The following TBCB variants were observed in gnomAD, a reference collection of about 807,000 sequenced individuals.
The protein encoded by TBCB is tubulin-folding cofactor B.
Under a neutral mutation model 29.2 loss-of-function variants are expected in TBCB, and 18 were observed. The observed-to-expected ratio is 0.62, with a 90% CI of 0.43 to 0.91. The LOEUF (loss-of-function observed/expected upper bound fraction) is 0.91, where lower values mean the gene tolerates loss of function less well. TBCB is among the 40% of genes least tolerant of loss of function. The pLI is 0.00. For missense variants in TBCB, 336 were observed against 337.6 expected, an observed-to-expected ratio of 1.00 and a Z score of 0.04; for synonymous variants, 172 against 137.8, an observed-to-expected ratio of 1.25 and a Z score of -1.74.
chr19:36,121,925 G>A, intron 4 of TBCB: 1 of 687,220 alleles, frequency 1.5e-6, no homozygotes, highest in East Asian at 2.8e-5. Context: ...GGGAGGCGCA[G>A]GCGGAGTGAT....
intron 4 of TBCB, among the ~76,000 whole-genome samples, chr19:36,123,700 C>A (rs1265029581): frequency 2.0e-5 from 3 of 152,114 alleles, no homozygotes; most frequent in Non-Finnish European, 4.4e-5. Flanking sequence ...CATGGTGAAA[C>A]CCCATCTCTA....
chr19:36,124,613 C>T (rs1008579224), intron 4 of TBCB, among the ~76,000 whole-genome samples: 3 of 149,588 alleles, frequency 2.0e-5, no homozygotes, highest in Admixed American at 6.7e-5. Flanking sequence ...GATCTCAGCT[C>T]GCTCGTTCCA....
chr19:36,115,025 G>T (rs1973919706), upstream of TBCB: 1 of 651,506 alleles, frequency 1.5e-6, no homozygotes, highest in African/African-American at 1.8e-5. Context: ...GAGGTTTCAT[G>T]GCTTGCTTCA....
rs1296653314 is a variant in TBCB at position 36,115,817 on chromosome 19, G to T, written c.114+143G>T. ...TGCGGAGGCTGGGGACCCGGTCGCG[G>T]CGGGGCGGGTCCGGAGAGAACTCGA... On this transcript the variant is annotated intron_variant, in intron 1 of 5. Transcript: ENST00000221855. 6.4e-6 allele frequency: 7 copies of T among 1,092,720 alleles called. No individual in the cohort carries two copies. In the East Asian group the frequency reaches 1.6e-4, roughly 24 times the overall value. The allele number at this position is 1,092,720 out of a possible 1,614,324, so 67.7% of individuals were successfully genotyped here. A position where few individuals can be genotyped will look rare whatever the true frequency, so the allele number is the denominator to read the frequency against.
chr19:36,120,758 C>A lies in TBCB; in HGVS notation c.307C>A (p.Arg103=). Residue 103 remains arginine, a synonymous_variant, in exon 3 of 6, where the codon CGG becomes AGG. Transcript: ENST00000221855. ...CCTTGGTGAGTATGAGGACGTGTCC[C>A]GGGTGGAGAAGTACACGATCTCACA... ...ARLGEYEDVS[R]VEKYTISQEA... 6.2e-7 allele frequency: 1 copy of A among 1,613,900 alleles called. No individual in the cohort carries two copies. The highest frequency in any genetic ancestry group is 8.5e-7 in the Non-Finnish European group (1 of 1,179,962).
Position 36,121,573 on chromosome 19 carries a change from C to T in TBCB, c.402C>T (p.Asn134=), listed in dbSNP as rs998314534. The T allele has an allele frequency of 3.2e-6, 5 of 1,558,536 alleles. No individual in the cohort carries two copies. The highest frequency in any genetic ancestry group is 3.5e-6 in the Non-Finnish European group (4 of 1,152,842). The part of the protein sequence containing the change: ...FLKRSKLGRY[N]EEERAQQEAE... ...AGCGCAGCAAGCTCGGCCGGTACAA[C>T]GAGGAGGAGCGGGCTCAGCAGGAGG... Residue 134 remains asparagine (N), a synonymous_variant, in exon 4 of 6, where the codon AAC becomes AAT. Transcript: ENST00000221855.
intron 4 of TBCB, among the ~76,000 whole-genome samples, chr19:36,122,646 T>C (rs1214900467): frequency 6.6e-6 from 1 of 151,044 alleles, no homozygotes; most frequent in African/African-American, 2.4e-5. Flanking sequence ...CCCCAGCTAC[T>C]TGGGAGGCTG....
chr19:36,121,970 A>ACGCG, intron 4 of TBCB: 1 of 581,830 alleles, frequency 1.7e-6, no homozygotes, highest in Non-Finnish European at 3.0e-6. Flanking sequence ...AGCCAGAGGC[A>ACGCG]CGCGGCCTGT....
At chr19:36,121,394 TG>T in intron 3 of TBCB, 132 bp from the exon 4 acceptor site, 1 of 1,122,298 alleles carries the variant, frequency 8.9e-7, no homozygotes, top group Non-Finnish European at 1.2e-6. Context: ...GTGGGAGACC[TG>T]GGGCTTGGGT....
Position 36,125,800 on chromosome 19 carries a change from T to G in TBCB, c.*18T>G. The G allele has an allele frequency of 6.7e-7, 1 of 1,486,626 alleles. No homozygotes were observed. Among genetic ancestry groups the G allele is most frequent in the Non-Finnish European group, 9.0e-7 (1 of 1,115,028 alleles). The allele number at this position is 1,486,626 out of a possible 1,614,324, so 92.1% of individuals were successfully genotyped here. A position where few individuals can be genotyped will look rare whatever the true frequency, so the allele number is the denominator to read the frequency against. On this transcript the variant is annotated 3_prime_UTR_variant, in exon 6 of 6. Coordinates refer to ENST00000221855, the MANE Select transcript of TBCB (RefSeq NM_001281.3). Reference sequence around the variant, plus strand: ...AGATATGACACCTAAGGAATTCCCCTGCTTCAGCTCCTAGCTCAGCCACTG... The same window carrying G: ...AGATATGACACCTAAGGAATTCCCCGGCTTCAGCTCCTAGCTCAGCCACTG...
At chr19:36,118,155 T>C (rs146129583) in intron 2 of TBCB, among the ~76,000 whole-genome samples, 3 of 152,302 alleles carry the variant, frequency 2.0e-5, no homozygotes, top group Admixed American at 1.3e-4. Context: ...TTTTCTCTCG[T>C]TGATTAACTG....
At chr19:36,121,172 A>G (rs1027495915) in intron 3 of TBCB, among the ~76,000 whole-genome samples, 27 of 141,674 alleles carry the variant, frequency 1.9e-4, no homozygotes, top group African/African-American at 7.3e-4. Context: ...GGTGGCGGTC[A>G]GTGAGGGCGC....
At chr19:36,123,838 G>A (rs1487185899) in intron 4 of TBCB, among the ~76,000 whole-genome samples, 1 of 152,162 alleles carries the variant, frequency 6.6e-6, no homozygotes, top group African/African-American at 2.4e-5. Flanking sequence ...TCACACCACT[G>A]CACTCCAGCC....
At chr19:36,121,132 G>A (rs1475713080) in intron 3 of TBCB, among the ~76,000 whole-genome samples, 2 of 151,646 alleles carry the variant, frequency 1.3e-5, no homozygotes, top group African/African-American at 4.9e-5. Context: ...GGGGTGTGGA[G>A]GGCAGGACAG....
Position 36,120,879 on chromosome 19 carries a change from TAGAC to T in TBCB, c.355+76_355+79del, listed in dbSNP as rs893510451. The T allele has an allele frequency of 6.9e-6, 10 of 1,443,960 alleles. No homozygotes were observed. In the African/African-American group the frequency reaches 1.3e-4, roughly 18 times the overall value. 89.4% of individuals were successfully genotyped at this position (1,443,960 alleles called of 1,614,324 possible). On this transcript the variant is annotated intron_variant, in intron 3 of 5. Coordinates refer to ENST00000221855, the MANE Select transcript of TBCB (RefSeq NM_001281.3). ...TGTGCAGGTATGAGGGCGGGCAGGT[TAGAC>T]AGGGCCCCTGCAGGGAGGCCAGTGG... is the stretch of plus-strand genomic sequence containing the variant.
intron 4 of TBCB, among the ~76,000 whole-genome samples, chr19:36,125,016 T>C (rs1443193396): frequency 4.6e-5 from 7 of 152,190 alleles, no homozygotes; most frequent in Non-Finnish European, 1.5e-5. Context: ...ATGCTGTCTT[T>C]TGTCGCTGAG....
At chr19:36,122,946 C>CT (rs1974080047) in intron 4 of TBCB, among the ~76,000 whole-genome samples, 1 of 152,154 alleles carries the variant, frequency 6.6e-6, no homozygotes, top group Non-Finnish European at 1.5e-5. Flanking sequence ...GTATTTCCGT[C>CT]TTTATGCCTG....
upstream of TBCB, chr19:36,115,371 A>C (rs1423423962): frequency 1.2e-5 from 7 of 592,876 alleles, no homozygotes; most frequent in Non-Finnish European, 1.8e-5. Context: ...AAGAGTAAGG[A>C]GAGCCCTCTT....
chr19:36,123,178 C>T (rs1974083911), intron 4 of TBCB, among the ~76,000 whole-genome samples: 1 of 152,098 alleles, frequency 6.6e-6, no homozygotes, highest in South Asian at 2.1e-4. Flanking sequence ...CACAGTGTAT[C>T]CAGTCACCAG....
Sources: allele counts gnomAD v4.1 joint callset (sites outside exome capture counted in the v4.1 genomes callset), GRCh38; gene constraint gnomAD v4.1.1; transcripts MANE v1.5; gene names NCBI Gene and HGNC (gene_info 2026-07-23, HGNC 2026-07-21).